Variants in PTPRG observed in about 807,000 individuals in gnomAD.
PTPRG encodes receptor-type tyrosine-protein phosphatase gamma.
In PTPRG, 102 loss-of-function variants were observed where a neutral mutation model predicts 165.3. The observed-to-expected ratio is 0.62, with a 90% confidence interval of 0.53 to 0.73. The LOEUF is 0.73. Ranked by LOEUF, PTPRG falls within the 30% of genes least tolerant of loss-of-function variation. The pLI, the probability that PTPRG is intolerant of heterozygous loss-of-function variation, is 0.00. For synonymous variants in PTPRG, 675 were observed against 669.5 expected (o/e 1.01, Z -0.13); for missense variants, 1,866 against 1,861.4 (o/e 1.00, Z -0.05).
chr3:61,967,723 G>C (rs900942528), intron 2 of PTPRG, among the ~76,000 whole-genome samples: 1 of 152,120 alleles, frequency 6.6e-6, no homozygotes, highest in Non-Finnish European at 1.5e-5. Context: ...TTGAACAAAG[G>C]CTTTCCTTGT....
intron 2 of PTPRG, among the ~76,000 whole-genome samples, chr3:61,784,661 T>G (rs535301250): frequency 6.6e-6 from 1 of 152,338 alleles, no homozygotes; most frequent in South Asian, 2.1e-4. Flanking sequence ...CTTGATAATT[T>G]CATTAAGTGA....
intron 6 of PTPRG, among the ~76,000 whole-genome samples, chr3:62,137,677 TG>T: frequency 6.6e-6 from 1 of 152,132 alleles, no homozygotes; most frequent in Non-Finnish European, 1.5e-5. Flanking sequence ...GGTGCAAGTT[TG>T]GCTTTGGGAA....
At chr3:61,831,170 C>T (rs190408055) in intron 2 of PTPRG, among the ~76,000 whole-genome samples, 146 of 152,246 alleles carry the variant, frequency 9.6e-4, no homozygotes, top group Non-Finnish European at 1.4e-3. Context: ...AGTATCTTTC[C>T]TATTTTCATG....
chr3:62,090,078 T>C (rs1701879097), intron 5 of PTPRG, among the ~76,000 whole-genome samples: 1 of 152,182 alleles, frequency 6.6e-6, no homozygotes, highest in Non-Finnish European at 1.5e-5. Context: ...TGGTGAGAGA[T>C]ACTTCTAAAA....
chr3:62,188,124 A>G (rs1436891839), intron 8 of PTPRG, among the ~76,000 whole-genome samples: 1 of 152,226 alleles, frequency 6.6e-6, no homozygotes, highest in East Asian at 1.9e-4. Flanking sequence ...CTGTAATTCC[A>G]GTACTTTGGG....
chr3:61,761,471 G>A (rs2033831795), intron 2 of PTPRG, among the ~76,000 whole-genome samples: 1 of 152,150 alleles, frequency 6.6e-6, no homozygotes, highest in Non-Finnish European at 1.5e-5. Context: ...CCAGCTACTT[G>A]GGAGGCTGAA....
At chr3:61,899,793 G>C (rs184662660) in intron 2 of PTPRG, among the ~76,000 whole-genome samples, 268 of 152,288 alleles carry the variant, frequency 1.8e-3, no homozygotes, top group African/African-American at 5.8e-3. Context: ...ATGTGTCAGT[G>C]GGATTCATCG....
At chr3:61,769,266 T>C (rs535083167) in intron 2 of PTPRG, 1 of 152,234 alleles carries the variant, frequency 6.6e-6, no homozygotes, top group East Asian at 1.9e-4. Context: ...CACAAATGTT[T>C]GTTTTTTTTG....
chr3:62,050,301 G>A (rs920176491), intron 4 of PTPRG, among the ~76,000 whole-genome samples: 3 of 152,096 alleles, frequency 2.0e-5, no homozygotes, highest in East Asian at 1.9e-4. Flanking sequence ...TTTAGATACC[G>A]AAATACTTAC....
At position 61,989,696 on chromosome 3, in the gene PTPRG, A is replaced by T; in HGVS notation, c.262A>T (p.Ile88Phe). 3 of 1,614,160 alleles carry T rather than the reference A, an allele frequency of 1.9e-6. No homozygotes were observed. Among genetic ancestry groups the T allele is most frequent in the Non-Finnish European group, 2.5e-6 (3 of 1,180,014 alleles). The change falls in exon 3 of 30, where the codon ATT becomes TTT. Residue 88 changes from isoleucine to phenylalanine, a missense_variant. Transcript: ENST00000474889. ...GGGCCGTCACCAGTCTCCTATTGAC[A>T]TTTTAGACCAGTATGCGCGTGTTGG... ...CGGRHQSPID[I>F]LDQYARVGEE...
intron 6 of PTPRG, among the ~76,000 whole-genome samples, chr3:62,138,238 G>A (rs536461162): frequency 6.6e-6 from 1 of 152,254 alleles, no homozygotes; most frequent in East Asian, 1.9e-4. Context: ...AAAATAAACA[G>A]CAAGTACTAA....
intron 5 of PTPRG, among the ~76,000 whole-genome samples, chr3:62,116,123 C>G (rs903050751): frequency 1.3e-5 from 2 of 152,140 alleles, no homozygotes; most frequent in Non-Finnish European, 2.9e-5. Flanking sequence ...TGCCCAAAGT[C>G]AACCAGCTAA....
At position 61,928,494 on chromosome 3, in the gene PTPRG, G is replaced by A. The variant is rs75343992; in HGVS notation, c.191-61131G>A. ...ACTGAAAGAAAAAGTCATAGCAATTGTCAGACTGCATGAGGAGGGTATTTA... is the reference window on the plus strand; with the variant it reads ...ACTGAAAGAAAAAGTCATAGCAATTATCAGACTGCATGAGGAGGGTATTTA... On this transcript the variant is annotated intron_variant, in intron 2 of 29. Coordinates refer to ENST00000474889, the MANE Select transcript of PTPRG (RefSeq NM_002841.4). Among the ~76,000 whole-genome samples, 128 of 152,262 alleles carry A rather than the reference G, an allele frequency of 8.4e-4. 1 individual carries two copies. The highest frequency in any genetic ancestry group is 6.8e-3 in the East Asian group (35 of 5,168).
At chr3:61,739,569 A>G (rs2032899850) in intron 1 of PTPRG, among the ~76,000 whole-genome samples, 1 of 152,218 alleles carries the variant, frequency 6.6e-6, no homozygotes, top group Admixed American at 6.5e-5. Context: ...GACTGAGAGT[A>G]ATATCTGGTT....
intron 2 of PTPRG, among the ~76,000 whole-genome samples, chr3:61,828,925 G>A (rs1029226372): frequency 6.6e-6 from 1 of 152,124 alleles, no homozygotes; most frequent in Non-Finnish European, 1.5e-5. Flanking sequence ...CTATATGACT[G>A]ATTCTGTACC....
chr3:61,783,957 C>A (rs541736381), intron 2 of PTPRG, among the ~76,000 whole-genome samples: 1 of 152,236 alleles, frequency 6.6e-6, no homozygotes, highest in Non-Finnish European at 1.5e-5. Flanking sequence ...GGCCATTGGG[C>A]ATTTGAACCT....
At chr3:62,066,419 C>G (rs1162237191) in intron 4 of PTPRG, among the ~76,000 whole-genome samples, 1 of 152,144 alleles carries the variant, frequency 6.6e-6, no homozygotes, top group African/African-American at 2.4e-5. Flanking sequence ...GTCCATTTAT[C>G]CAAAATGATT....
chr3:61,687,450 T>C (rs926195237), intron 1 of PTPRG, among the ~76,000 whole-genome samples: 3 of 152,234 alleles, frequency 2.0e-5, no homozygotes, highest in Non-Finnish European at 4.4e-5. Context: ...AGGCCGTAAA[T>C]GGACTTTGGG....
At chr3:61,940,364 G>C (rs940095968) in intron 2 of PTPRG, among the ~76,000 whole-genome samples, 1 of 152,218 alleles carries the variant, frequency 6.6e-6, no homozygotes, top group African/African-American at 2.4e-5. Context: ...AGATAGGTGA[G>C]ATAGCACTGC....
Sources: gnomAD v4.1 joint callset for allele counts (sites outside exome capture counted in the v4.1 genomes callset) on GRCh38, gnomAD v4.1.1 for gene constraint, MANE v1.5 for transcripts, NCBI Gene and HGNC (gene_info 2026-07-23, HGNC 2026-07-21) for gene names.